The following PABPC4L variants were observed in gnomAD, a reference collection of about 807,000 sequenced individuals.
PABPC4L encodes the protein poly(A) binding protein cytoplasmic 4 like.
For synonymous variants in PABPC4L, 169 were observed against 164.1 expected (o/e 1.03, Z -0.23); for missense variants, 452 against 451.4 (o/e 1.00, Z -0.01).
the PABPC4L span, among the ~76,000 whole-genome samples, chr4:134,043,310 C>G: frequency 3.9e-5 from 6 of 152,074 alleles, no homozygotes; most frequent in Non-Finnish European, 8.8e-5. Flanking sequence ...TATATGAGGA[C>G]TGTAGTTTTA....
the PABPC4L span, among the ~76,000 whole-genome samples, chr4:134,020,783 G>C: frequency 6.6e-6 from 1 of 152,084 alleles, no homozygotes; most frequent in Non-Finnish European, 1.5e-5. Context: ...GGAATTTAAA[G>C]ATAGATTTTA....
the PABPC4L span, among the ~76,000 whole-genome samples, chr4:133,985,084 CAAAT>C: frequency 2.0e-5 from 3 of 151,822 alleles, no homozygotes; most frequent in Non-Finnish European, 4.4e-5. Context: ...AAACCAAAAA[CAAAT>C]GAATAAACCA....
chr4:134,193,983 G>A (rs570571363), downstream of PABPC4L, among the ~76,000 whole-genome samples: 27 of 151,990 alleles, frequency 1.8e-4, no homozygotes, highest in African/African-American at 6.3e-4. Flanking sequence ...ATACCTGAAA[G>A]AGACAGAACT....
At chr4:134,124,192 C>T in the PABPC4L span, among the ~76,000 whole-genome samples, 1 of 152,108 alleles carries the variant, frequency 6.6e-6, no homozygotes. Context: ...TTTTGTCATA[C>T]CCAACTAAAA....
the PABPC4L span, among the ~76,000 whole-genome samples, chr4:134,091,672 A>T: frequency 4.0e-5 from 6 of 151,836 alleles, no homozygotes; most frequent in South Asian, 1.2e-3. Flanking sequence ...ATATAGATAA[A>T]TACATTGTCA....
At chr4:134,135,892 A>G in the PABPC4L span, among the ~76,000 whole-genome samples, 896 of 152,138 alleles carry the variant, frequency 5.9e-3, 11 homozygotes, top group African/African-American at 0.02. Flanking sequence ...CCATTTCCCT[A>G]TCACTCGATT....
chr4:134,030,779 T>C, the PABPC4L span, among the ~76,000 whole-genome samples: 1 of 152,026 alleles, frequency 6.6e-6, no homozygotes, highest in Non-Finnish European at 1.5e-5. Context: ...AAACTGAAGA[T>C]AGCAAATTAA....
At chr4:133,975,141 T>G in the PABPC4L span, among the ~76,000 whole-genome samples, 305 of 152,252 alleles carry the variant, frequency 2.0e-3, 3 homozygotes, top group South Asian at 0.012. Flanking sequence ...GGATTGGCTA[T>G]ATAAAGGAAT....
the PABPC4L span, among the ~76,000 whole-genome samples, chr4:133,985,753 T>G: frequency 6.6e-6 from 1 of 152,040 alleles, no homozygotes; most frequent in East Asian, 1.9e-4. Flanking sequence ...TTTTCCCTGT[T>G]CTAATAAATT....
chr4:134,068,347 G>T, the PABPC4L span, among the ~76,000 whole-genome samples: 1 of 151,990 alleles, frequency 6.6e-6, no homozygotes, highest in East Asian at 1.9e-4. Context: ...AGCAATCCCC[G>T]CTTTTTCTTT....
the PABPC4L span, among the ~76,000 whole-genome samples, chr4:134,043,084 A>G: frequency 6.6e-6 from 1 of 152,286 alleles, no homozygotes; most frequent in East Asian, 1.9e-4. Context: ...ATTAATAAAA[A>G]TGCCTTTGTT....
chr4:134,005,329 A>G, the PABPC4L span, among the ~76,000 whole-genome samples: 1 of 151,914 alleles, frequency 6.6e-6, no homozygotes, highest in South Asian at 2.1e-4. Flanking sequence ...GGAAACTGCC[A>G]TGTATACCTT....
At chr4:134,107,208 G>T in the PABPC4L span, among the ~76,000 whole-genome samples, 2 of 150,982 alleles carry the variant, frequency 1.3e-5, no homozygotes, top group Non-Finnish European at 3.0e-5. Flanking sequence ...ATTATTTAGG[G>T]AAATAATTTA....
chr4:134,192,201 G>A (rs182424891), downstream of PABPC4L, among the ~76,000 whole-genome samples: 56 of 152,222 alleles, frequency 3.7e-4, no homozygotes, highest in Middle Eastern at 0.014. Context: ...GAGAAATTAA[G>A]TGCTGATACA....
chr4:134,059,385 A>AATATAT, the PABPC4L span, among the ~76,000 whole-genome samples: 1 of 103,356 alleles, frequency 9.7e-6, no homozygotes, highest in Admixed American at 1.1e-4. Context: ...TAGGAAACAA[A>AATATAT]CTATATATAT....
chr4:134,055,517 G>GA, the PABPC4L span, among the ~76,000 whole-genome samples: 1 of 151,600 alleles, frequency 6.6e-6, no homozygotes, highest in Non-Finnish European at 1.5e-5. Context: ...CCAGAGCAAT[G>GA]AAAAAATTTT....
the PABPC4L span, among the ~76,000 whole-genome samples, chr4:133,955,534 A>G: frequency 6.6e-6 from 1 of 152,142 alleles, no homozygotes; most frequent in East Asian, 1.9e-4. Flanking sequence ...TACATTTTAC[A>G]TGTATTTCTA....
At chr4:134,178,613 A>G in the PABPC4L span, among the ~76,000 whole-genome samples, 1 of 152,168 alleles carries the variant, frequency 6.6e-6, no homozygotes, top group African/African-American at 2.4e-5. Flanking sequence ...CTTACAGGAG[A>G]TAGTTGAAAC....
the PABPC4L span, among the ~76,000 whole-genome samples, chr4:134,185,401 G>A: frequency 8.5e-5 from 13 of 152,104 alleles, no homozygotes; most frequent in South Asian, 1.0e-3. Context: ...ATCAATAAAC[G>A]TAATCCATCA....
Sources: allele counts gnomAD v4.1 joint callset (sites outside exome capture counted in the v4.1 genomes callset), GRCh38; gene constraint gnomAD v4.1.1; transcripts MANE v1.5; gene names NCBI Gene and HGNC (gene_info 2026-07-23, HGNC 2026-07-21).